Variants in HORMAD1 observed in about 807,000 individuals in gnomAD.
The protein encoded by HORMAD1 is HORMA domain-containing protein 1.
A neutral mutation model predicts 58.2 loss-of-function variants in HORMAD1; 33 were observed. The ratio of observed to expected loss-of-function variants is 0.57; its 90% CI spans 0.43 to 0.76. The LOEUF (loss-of-function observed/expected upper bound fraction) is 0.76, where lower values mean the gene tolerates loss of function less well. Ranked by LOEUF, HORMAD1 falls within the 30% of genes least tolerant of loss-of-function variation. The probability of loss-of-function intolerance (pLI) is 0.00; values close to 1 mark genes in which losing one functional copy is unlikely to be tolerated. For synonymous variants in HORMAD1, 137 were observed against 144.6 expected, an observed-to-expected ratio of 0.95 and a Z score of 0.38; for missense variants, 363 against 462.0, an observed-to-expected ratio of 0.79 and a Z score of 1.96.
chr1:150,720,633 C>T (rs1475603147), intron 1 of HORMAD1, among the ~76,000 whole-genome samples, 171 bp downstream of exon 1: 1 of 152,176 alleles, frequency 6.6e-6, no homozygotes, highest in Admixed American at 6.5e-5. Context: ...CCGTACTCAC[C>T]CCATCTCAAG....
At chr1:150,700,044 T>C in intron 14 of HORMAD1, 68 bp downstream of exon 14, 1 of 694,156 alleles carries the variant, frequency 1.4e-6, no homozygotes, top group East Asian at 2.8e-5. Context: ...CATTTTAAAT[T>C]TAATCTGTAG....
chr1:150,707,390 C>T (rs781383413), intron 9 of HORMAD1, among the ~76,000 whole-genome samples: 15 of 152,134 alleles, frequency 9.9e-5, no homozygotes, highest in East Asian at 3.8e-4. Context: ...TATTCTATTA[C>T]GCAGATGGAC....
chr1:150,701,676 C>A (rs1289329752), intron 13 of HORMAD1, among the ~76,000 whole-genome samples: 1 of 152,026 alleles, frequency 6.6e-6, no homozygotes, highest in Non-Finnish European at 1.5e-5. Flanking sequence ...CCCCAATGAA[C>A]CTTTGAGAGT....
At position 150,716,350 on chromosome 1, in the gene HORMAD1, C is replaced by T. The variant is rs376683368; in HGVS notation, c.178+788G>A. 5.7e-4 allele frequency among the ~76,000 whole-genome samples: 86 copies of T among 151,346 alleles called. 2 individuals carry two copies. Among genetic ancestry groups the T allele is most frequent in the African/African-American group, 2.0e-3 (82 of 41,308 alleles). ...CTAATTTTTGTATTTTTAGTAGAGACGGGGTTTCACCATGTTGGCCAGGAT... is the reference window on the plus strand; with the variant it reads ...CTAATTTTTGTATTTTTAGTAGAGATGGGGTTTCACCATGTTGGCCAGGAT... On this transcript the variant is annotated intron_variant, in intron 3 of 14. Transcript: ENST00000361824.
rs752442707 is a variant in HORMAD1 at position 150,706,625 on chromosome 1, T to C, written c.732A>G (p.Lys244=). 5.0e-6 allele frequency: 8 copies of C among 1,613,290 alleles called. No individual in the cohort carries two copies. The Admixed American group carries it at 1.0e-4, about 20-fold the overall frequency. The change falls in exon 10 of 15, where the codon AAA becomes AAG. Residue 244 remains lysine, a synonymous_variant. Transcript: ENST00000361824. ...TTTTTTGAAATGGTGTTTTTATTTG[T>C]TTTGGTGATAGTATAGTTGAGTCAA... The part of the protein sequence containing the change: ...ENIDSTILSP[K]QIKTPFQKIL...
At chr1:150,703,067 T>C (rs753708810) in intron 13 of HORMAD1, among the ~76,000 whole-genome samples, 1 of 152,182 alleles carries the variant, frequency 6.6e-6, no homozygotes, top group Non-Finnish European at 1.5e-5. Flanking sequence ...TTTGTGCCTA[T>C]GTAGCCTATT....
intron 13 of HORMAD1, among the ~76,000 whole-genome samples, chr1:150,703,060 G>C (rs1235217219): frequency 1.3e-5 from 2 of 151,754 alleles, no homozygotes; most frequent in African/African-American, 4.8e-5. Context: ...TCCTTTCTTT[G>C]TGCCTATGTA....
At chr1:150,715,437 G>A (rs1157267944) in intron 3 of HORMAD1, among the ~76,000 whole-genome samples, 1 of 152,004 alleles carries the variant, frequency 6.6e-6, no homozygotes, top group East Asian at 1.9e-4. Context: ...TTGAAAAACA[G>A]GTATTTGTAA....
intron 10 of HORMAD1, among the ~76,000 whole-genome samples, chr1:150,705,006 G>A (rs909555384): frequency 6.6e-6 from 1 of 151,954 alleles, no homozygotes; most frequent in African/African-American, 2.4e-5. Flanking sequence ...ATCTGCCACT[G>A]CACTTCAGCC....
At chr1:150,707,219 TAA>T (rs1651722767) in intron 9 of HORMAD1, among the ~76,000 whole-genome samples, 1 of 152,212 alleles carries the variant, frequency 6.6e-6, no homozygotes. Flanking sequence ...ATGCATATAA[TAA>T]AAGATATTTC....
Position 150,717,144 on chromosome 1 carries a change from G to A in HORMAD1, c.172C>T (p.Leu58=), listed in dbSNP as rs754616108. The change falls in exon 3 of 15, where the codon CTA becomes TTA. Residue 58 remains leucine, a synonymous_variant. Coordinates refer to ENST00000361824, the MANE Select transcript of HORMAD1 (RefSeq NM_032132.5). ...FPECAYGTRY[L]DDLCVKILRE... The stretch of plus-strand genomic sequence containing the variant: ...AAAATAAATATTGTATTACCATCTA[G>A]ATATCTTGTTCCATAAGCGCATTCT... 1 of 1,551,422 alleles carries A rather than the reference G, an allele frequency of 6.4e-7. No homozygotes were observed. The highest frequency in any genetic ancestry group is 1.2e-5 in the South Asian group (1 of 82,940).
intron 3 of HORMAD1, among the ~76,000 whole-genome samples, chr1:150,714,937 C>A (rs891827453): frequency 2.6e-5 from 4 of 151,944 alleles, no homozygotes; most frequent in African/African-American, 4.8e-5. Context: ...AGGTGCGCCA[C>A]CATGACCGGC....
chr1:150,700,352 A>C (rs1309182070), intron 13 of HORMAD1, among the ~76,000 whole-genome samples, 169 bp from the exon 14 acceptor site: 1 of 152,108 alleles, frequency 6.6e-6, no homozygotes, highest in Non-Finnish European at 1.5e-5. Context: ...ATCATGGCTC[A>C]CTGCAGCCTG....
At chr1:150,706,860 T>TTGACTC (rs765884594) in intron 9 of HORMAD1, 51 bp from the exon 10 acceptor site, 1 of 1,432,098 alleles carries the variant, frequency 7.0e-7, no homozygotes. Context: ...AAAGAAAATA[T>TTGACTC]AATTATTATT....
intron 7 of HORMAD1, 81 bp downstream of exon 7, chr1:150,711,464 T>A (rs1457613152): frequency 8.3e-6 from 8 of 966,996 alleles, no homozygotes; most frequent in African/African-American, 1.6e-5. Context: ...ATTAAAAGCA[T>A]AAGATATTCT....
rs1383051830 is a variant in HORMAD1 at position 150,719,701 on chromosome 1, AT to A, written c.-33-164del. On this transcript the variant is annotated intron_variant, in intron 1 of 14. Coordinates refer to ENST00000361824, the MANE Select transcript of HORMAD1 (RefSeq NM_032132.5). ...TAGAGGTCGATATTGCAGTAGAACCATTTTGAGTAGGGTCCTGATTTGAAGC... is the reference window on the plus strand; with the variant it reads ...TAGAGGTCGATATTGCAGTAGAACCATTTGAGTAGGGTCCTGATTTGAAGC... Among the ~76,000 whole-genome samples the A allele has an allele frequency of 5.9e-5, 9 of 152,276 alleles. No individual in the cohort carries two copies. In the East Asian group the frequency reaches 1.7e-3, roughly 29 times the overall value.
chr1:150,703,655 T>A (rs1325419690), intron 12 of HORMAD1, among the ~76,000 whole-genome samples: 1 of 152,186 alleles, frequency 6.6e-6, no homozygotes, highest in Non-Finnish European at 1.5e-5. Flanking sequence ...ACAAGAAATT[T>A]AGTCTACTTA....
Position 150,708,314 on chromosome 1 carries a change from A to G in HORMAD1, c.489T>C (p.Asn163=). ...AAACATCATTAGGTAAAGGCCCCAGATTTTGCATTAGGATATAAATCTTGC... is the reference window on the plus strand; with the variant it reads ...AAACATCATTAGGTAAAGGCCCCAGGTTTTGCATTAGGATATAAATCTTGC... ...LIRKIYILMQ[N]LGPLPNDVCL... Residue 163 remains asparagine, a synonymous_variant, in exon 9 of 15, where the codon AAT becomes AAC. Coordinates refer to ENST00000361824, the MANE Select transcript of HORMAD1 (RefSeq NM_032132.5). 6.2e-7 allele frequency: 1 copy of G among 1,611,030 alleles called. No individual in the cohort carries two copies. The highest frequency in any genetic ancestry group is 8.5e-7 in the Non-Finnish European group (1 of 1,178,566).
At chr1:150,716,792 T>C (rs1048729648) in intron 3 of HORMAD1, among the ~76,000 whole-genome samples, 2 of 151,094 alleles carry the variant, frequency 1.3e-5, no homozygotes, top group Non-Finnish European at 3.0e-5. Context: ...TGAAACCCCG[T>C]CTCTACTAAA....
Sources: gnomAD v4.1 joint callset for allele counts (sites outside exome capture counted in the v4.1 genomes callset) on GRCh38, gnomAD v4.1.1 for gene constraint, MANE v1.5 for transcripts, NCBI Gene and HGNC (gene_info 2026-07-23, HGNC 2026-07-21) for gene names.